The following VWA1 variants were observed in gnomAD, a reference collection of about 807,000 sequenced individuals.
VWA1 encodes the protein von Willebrand factor A domain-containing protein 1.
VWA1 carries 12 observed loss-of-function variants against 14.9 expected under a neutral mutation model. The ratio of observed to expected loss-of-function variants is 0.80; its 90% confidence interval spans 0.52 to 1.30. The LOEUF (loss-of-function observed/expected upper bound fraction) is 1.30, where lower values mean the gene tolerates loss of function less well. Ranked by LOEUF, VWA1 falls within the 50% of genes most tolerant of loss-of-function variation. VWA1 has a pLI of 0.00. For missense variants in VWA1, 800 were observed against 649.1 expected (o/e 1.23, Z -2.53); for synonymous variants, 368 against 310.7 (o/e 1.18, Z -1.94).
In VWA1 at chr1:1,439,766, G is replaced by A; in HGVS notation, c.1317G>A (p.Gly439=). 1 of 1,085,362 alleles carries A rather than the reference G, an allele frequency of 9.2e-7. No homozygotes were observed. 67.2% of individuals were successfully genotyped at this position (1,085,362 alleles called of 1,614,324 possible). Residue 439 remains glycine, a synonymous_variant, in exon 3 of 3, where the codon GGG becomes GGA. Coordinates refer to ENST00000476993, the MANE Select transcript of VWA1 (RefSeq NM_022834.5). ...CCGTGCCCCGCGCCCCGACCCCGGG[G>A]ACCGCCAGCCGTGAGCCGTAAGCCG... is the stretch of plus-strand genomic sequence containing the variant. ...PRPVPRAPTP[G]TASREP
In VWA1 at chr1:1,437,437, T is replaced by G; in HGVS notation, c.584T>G (p.Val195Gly). The change falls in exon 2 of 3, where the codon GTG becomes GGG. Residue 195 changes from valine (V) to glycine (G), a missense_variant. Coordinates refer to ENST00000476993, the MANE Select transcript of VWA1 (RefSeq NM_022834.5). ...PAEKHLHFVDVDDLHIIVQEL... is the reference protein window; with the variant it reads ...PAEKHLHFVDGDDLHIIVQEL... ...GAGAAGCACCTGCACTTTGTGGACG[T>G]GGATGACCTGCACATCATTGTCCAA... 2 of 1,612,402 alleles carry G rather than the reference T, an allele frequency of 1.2e-6. No homozygotes were observed. Among genetic ancestry groups the G allele is most frequent in the Non-Finnish European group, 1.7e-6 (2 of 1,179,712 alleles).
chr1:1,435,737 C>T lies in VWA1; in HGVS notation c.-12C>T, dbSNP rs1192185159. 1.7e-6 allele frequency: 2 copies of T among 1,206,064 alleles called. No individual in the cohort carries two copies. The highest frequency in any genetic ancestry group is 4.1e-5 in the Admixed American group (1 of 24,506). The allele number at this position is 1,206,064 out of a possible 1,614,324, so 74.7% of individuals were successfully genotyped here. ...GAGCGAGTTGCCGAGCGCGCCCCGT[C>T]CCTCGCGCGCGATGCTCCCCTGGAC... On this transcript the variant is annotated 5_prime_UTR_variant, in exon 1 of 3. Transcript: ENST00000476993.
In VWA1 at chr1:1,440,021, C is replaced by G. The variant is rs1638635288; in HGVS notation, c.*234C>G. The stretch of plus-strand genomic sequence containing the variant: ...CCCCGCAGCAGCCCCGGCCCCATCC[C>G]CGCCCAGAGCCGGGCGTCGTGTGGG... On this transcript the variant is annotated 3_prime_UTR_variant, in exon 3 of 3. Coordinates refer to ENST00000476993, the MANE Select transcript of VWA1 (RefSeq NM_022834.5). 6.9e-6 allele frequency: 2 copies of G among 288,456 alleles called. No individual in the cohort carries two copies. The highest frequency in any genetic ancestry group is 1.1e-5 in the Non-Finnish European group (2 of 175,750). 17.9% of individuals were successfully genotyped at this position (288,456 alleles called of 1,614,324 possible). A position where few individuals can be genotyped will look rare whatever the true frequency, so the allele number is the denominator to read the frequency against.
chr1:1,435,801 C>T lies in VWA1; in HGVS notation c.53C>T (p.Ala18Val), dbSNP rs1222441011. Residue 18 changes from alanine (A) to valine (V), a missense_variant, in exon 1 of 3, where the codon GCG becomes GTG. Transcript: ENST00000476993. ...GLALSLRLAL[A>V]RSGAERGPPA... ...GCCCTGAGCTTGCGGCTGGCGCTGG[C>T]GCGGAGCGGCGCGGAGCGCGGTGAG... The T allele has an allele frequency of 8.4e-7, 1 of 1,184,224 alleles. No homozygotes were observed. Among genetic ancestry groups the T allele is most frequent in the Admixed American group, 4.5e-5 (1 of 22,412 alleles). 73.4% of individuals were successfully genotyped at this position (1,184,224 alleles called of 1,614,324 possible).
chr1:1,439,318 G>T lies in VWA1; in HGVS notation c.869G>T (p.Arg290Leu). ...GCGCTAGTGCCTGAGTCCAACGTGC[G>T]CCTCCTGAGGCCCCAGATCCTGCGG... ...DVALVPESNV[R>L]LLRPQILRVR... The change falls in exon 3 of 3, where the codon CGC becomes CTC. Residue 290 changes from arginine (R) to leucine (L), a missense_variant. Transcript: ENST00000476993. The T allele has an allele frequency of 6.3e-7, 1 of 1,586,442 alleles. No homozygotes were observed. Among genetic ancestry groups the T allele is most frequent in the Non-Finnish European group, 8.5e-7 (1 of 1,171,936 alleles).
chr1:1,439,480 G>C lies in VWA1; in HGVS notation c.1031G>C (p.Arg344Pro). 2 of 1,419,422 alleles carry C rather than the reference G, an allele frequency of 1.4e-6. No homozygotes were observed. Among genetic ancestry groups the C allele is most frequent in the East Asian group, 3.5e-5 (1 of 28,576 alleles). 87.9% of individuals were successfully genotyped at this position (1,419,422 alleles called of 1,614,324 possible). The change falls in exon 3 of 3, where the codon CGG (arginine) becomes CCG (proline). Residue 344 changes from arginine (R) to proline (P), a missense_variant. Transcript: ENST00000476993. ...GPERIVISHARPRSLRVSWAP... is the reference protein window; with the variant it reads ...GPERIVISHAPPRSLRVSWAP... Reference sequence around the variant, plus strand: ...GAGCGCATCGTCATCTCCCACGCCCGGCCGCGCAGCCTCCGCGTGAGTTGG... The same window carrying C: ...GAGCGCATCGTCATCTCCCACGCCCCGCCGCGCAGCCTCCGCGTGAGTTGG...
chr1:1,439,052 T>A (rs994170235), intron 2 of VWA1, 29 bp from the exon 3 acceptor site: 2 of 1,589,248 alleles, frequency 1.3e-6, no homozygotes, highest in Non-Finnish European at 1.7e-6. Context: ...AACTGACCGC[T>A]GTTCCCTGAC....
chr1:1,437,409 G>A lies in VWA1; in HGVS notation c.556G>A (p.Ala186Thr). The A allele has an allele frequency of 6.2e-7, 1 of 1,612,780 alleles. No homozygotes were observed. Among genetic ancestry groups the A allele is most frequent in the South Asian group, 1.1e-5 (1 of 91,086 alleles). ...LELSAAASAPAEKHLHFVDVD... is the reference protein window; with the variant it reads ...LELSAAASAPTEKHLHFVDVD... Reference sequence around the variant, plus strand: ...GCTGTCAGCCGCTGCCTCAGCCCCTGCCGAGAAGCACCTGCACTTTGTGGA... The same window carrying A: ...GCTGTCAGCCGCTGCCTCAGCCCCTACCGAGAAGCACCTGCACTTTGTGGA... Residue 186 changes from alanine to threonine, a missense_variant, in exon 2 of 3, where the codon GCC (alanine) becomes ACC (threonine). Ala to Thr is a moderately conservative substitution (Grantham distance 58, BLOSUM62 0). Coordinates refer to ENST00000476993, the MANE Select transcript of VWA1 (RefSeq NM_022834.5).
At position 1,437,196 on chromosome 1, in the gene VWA1, C is replaced by T. The variant is rs1638564049; in HGVS notation, c.343C>T (p.Leu115=). 6.2e-7 allele frequency: 1 copy of T among 1,611,740 alleles called. No individual in the cohort carries two copies. Among genetic ancestry groups the T allele is most frequent in the Non-Finnish European group, 8.5e-7 (1 of 1,179,632 alleles). Residue 115 remains leucine (L), a synonymous_variant, in exon 2 of 3, where the codon CTG becomes TTG. Coordinates refer to ENST00000476993, the MANE Select transcript of VWA1 (RefSeq NM_022834.5). Reference sequence around the variant, plus strand: ...GCGCATGGGTGACACCCACACTGGCCTGGCGCTGGTCTATGCCAAGGAACA... The same window carrying T: ...GCGCATGGGTGACACCCACACTGGCTTGGCGCTGGTCTATGCCAAGGAACA... ...AQRMGDTHTG[L]ALVYAKEQLF...
In VWA1 at chr1:1,437,173, G is replaced by T. The variant is rs141959660; in HGVS notation, c.320G>T (p.Arg107Leu). 2 of 1,611,326 alleles carry T rather than the reference G, an allele frequency of 1.2e-6. No individual in the cohort carries two copies. The highest frequency in any genetic ancestry group is 1.7e-6 in the Non-Finnish European group (2 of 1,179,320). Residue 107 changes from arginine to leucine, a missense_variant, in exon 2 of 3, where the codon CGC (arginine) becomes CTC (leucine). Arg to Leu is a moderately radical substitution (Grantham distance 102, BLOSUM62 -2). Coordinates refer to ENST00000476993, the MANE Select transcript of VWA1 (RefSeq NM_022834.5). ...AQDAVRASAQ[R>L]MGDTHTGLAL... The stretch of plus-strand genomic sequence containing the variant: ...GATGCGGTGCGTGCTTCTGCCCAGC[G>T]CATGGGTGACACCCACACTGGCCTG...
rs1451179265 is a variant in VWA1 at position 1,439,664 on chromosome 1, C to T, written c.1215C>T (p.Ala405=). 5.3e-6 allele frequency: 7 copies of T among 1,316,792 alleles called. No homozygotes were observed. The highest frequency in any genetic ancestry group is 3.2e-5 in the Admixed American group (1 of 30,868). The allele number at this position is 1,316,792 out of a possible 1,614,324, so 81.6% of individuals were successfully genotyped here. A position where few individuals can be genotyped will look rare whatever the true frequency, so the allele number is the denominator to read the frequency against. The part of the protein sequence containing the change: ...PGTAYLVTVT[A]AFRSGRESAL... ...CCGCCTACCTGGTGACCGTGACCGC[C>T]GCCTTCCGCTCGGGCCGCGAGAGCG... The change falls in exon 3 of 3, where the codon GCC becomes GCT. Residue 405 remains alanine, a synonymous_variant. Coordinates refer to ENST00000476993, the MANE Select transcript of VWA1 (RefSeq NM_022834.5).
In VWA1 at chr1:1,436,941, G is replaced by A; in HGVS notation, c.88G>A (p.Ala30Thr). 6.3e-7 allele frequency: 1 copy of A among 1,598,590 alleles called. No homozygotes were observed. Among genetic ancestry groups the A allele is most frequent in the Non-Finnish European group, 8.5e-7 (1 of 1,170,720 alleles). Reference protein sequence around the residue: ...SGAERGPPASAPRGDLMFLLD... With the variant: ...SGAERGPPASTPRGDLMFLLD... ...CTTTCCCCCAGGTCCACCAGCATCA[G>A]CCCCCCGAGGGGACCTGATGTTCCT... The change falls in exon 2 of 3, where the codon GCC (alanine) becomes ACC (threonine). Residue 30 changes from alanine to threonine, a missense_variant. Coordinates refer to ENST00000476993, the MANE Select transcript of VWA1 (RefSeq NM_022834.5).
intron 2 of VWA1, among the ~76,000 whole-genome samples, 175 bp downstream of exon 2, chr1:1,437,659 C>A (rs1453705956): frequency 6.6e-6 from 1 of 152,200 alleles, no homozygotes; most frequent in Admixed American, 6.5e-5. Flanking sequence ...ACACTCTTCA[C>A]TGGGCGACCC....
rs1290236135 is a variant in VWA1, at chr1:1,441,829, C to T, written c.*2042C>T. 2.0e-5 allele frequency: 3 copies of T among 152,260 alleles called. No homozygotes were observed. The highest frequency in any genetic ancestry group is 7.2e-5 in the African/African-American group (3 of 41,458). The allele number at this position is 152,260 out of a possible 1,614,324, so 9.4% of individuals were successfully genotyped here. ...GGCTTCTGTGGACGACTCAGACTCA[C>T]ATGAGAAGCTGGGAGGAGCTCCAGC... On this transcript the variant is annotated 3_prime_UTR_variant, in exon 3 of 3. Transcript: ENST00000476993.
At position 1,439,652 on chromosome 1, in the gene VWA1, G is replaced by A; in HGVS notation, c.1203G>A (p.Val401=). 3 of 1,323,038 alleles carry A rather than the reference G, an allele frequency of 2.3e-6. No individual in the cohort carries two copies. Among genetic ancestry groups the A allele is most frequent in the Non-Finnish European group, 2.9e-6 (3 of 1,029,300 alleles). 82.0% of individuals were successfully genotyped at this position (1,323,038 alleles called of 1,614,324 possible). Reference sequence around the variant, plus strand: ...TGGCGCCGGGCACCGCCTACCTGGTGACCGTGACCGCCGCCTTCCGCTCGG... The same window carrying A: ...TGGCGCCGGGCACCGCCTACCTGGTAACCGTGACCGCCGCCTTCCGCTCGG... ...QGLAPGTAYL[V]TVTAAFRSGR... The change falls in exon 3 of 3, where the codon GTG becomes GTA. Residue 401 remains valine, a synonymous_variant. Transcript: ENST00000476993.
chr1:1,435,795 C>A lies in VWA1; in HGVS notation c.47C>A (p.Ala16Glu). 3 of 1,205,462 alleles carry A rather than the reference C, an allele frequency of 2.5e-6. No homozygotes were observed. Among genetic ancestry groups the A allele is most frequent in the Non-Finnish European group, 1.0e-6 (1 of 967,622 alleles). The allele number at this position is 1,205,462 out of a possible 1,614,324, so 74.7% of individuals were successfully genotyped here. ...ALGLALSLRL[A>E]LARSGAERGP... is the part of the protein sequence containing the mutation. ...GGCCTGGCCCTGAGCTTGCGGCTGG[C>A]GCTGGCGCGGAGCGGCGCGGAGCGC... Residue 16 changes from alanine to glutamate, a missense_variant, in exon 1 of 3, where the codon GCG (alanine) becomes GAG (glutamate). By Grantham distance (107) the Ala-to-Glu change is moderately radical (BLOSUM62 -1). Transcript: ENST00000476993.
Position 1,435,820 on chromosome 1 carries a change from C to T in VWA1, c.72C>T (p.Arg24=). The T allele has an allele frequency of 8.8e-7, 1 of 1,141,472 alleles. No homozygotes were observed. Among genetic ancestry groups the T allele is most frequent in the Non-Finnish European group, 1.1e-6 (1 of 933,130 alleles). 70.7% of individuals were successfully genotyped at this position (1,141,472 alleles called of 1,614,324 possible). The change falls in exon 1 of 3, where the codon CGC becomes CGT. Residue 24 remains arginine (R), a splice_region_variant and synonymous_variant. Transcript: ENST00000476993. ...RLALARSGAE[R]GPPASAPRGD... ...CGCTGGCGCGGAGCGGCGCGGAGCG[C>T]GGTGAGTGCGGCGGGCGGCCGGGCC...
At chr1:1,436,762 A>G (rs970668656) in intron 1 of VWA1, 165 bp from the exon 2 acceptor site, 11 of 676,634 alleles carry the variant, frequency 1.6e-5, no homozygotes, top group Non-Finnish European at 2.5e-5. Flanking sequence ...GAAACCCCCA[A>G]AAGTACAGGC....
intron 1 of VWA1, among the ~76,000 whole-genome samples, chr1:1,436,115 C>T (rs1638534772): frequency 6.6e-6 from 1 of 152,198 alleles, no homozygotes; most frequent in African/African-American, 2.4e-5. Context: ...GGCACCCCTG[C>T]CTCAGTTTCC....
Sources: gnomAD v4.1 joint callset for allele counts (sites outside exome capture counted in the v4.1 genomes callset) on GRCh38, gnomAD v4.1.1 for gene constraint, MANE v1.5 for transcripts, NCBI Gene and HGNC (gene_info 2026-07-23, HGNC 2026-07-21) for gene names.